The following CSMD1 variants were observed in gnomAD, a reference collection of about 807,000 sequenced individuals.
The protein encoded by CSMD1 is CUB and sushi domain-containing protein 1.
CSMD1 carries 213 observed loss-of-function variants against 417.5 expected under a neutral mutation model. That is an observed-to-expected ratio of 0.51 (90% CI 0.46 to 0.57). The LOEUF is 0.57. Ranked by LOEUF, CSMD1 falls within the 20% of genes least tolerant of loss-of-function variation. CSMD1 has a pLI of 0.00. For synonymous variants in CSMD1, 2,862 were observed against 1,736.8 expected, an observed-to-expected ratio of 1.65 and a Z score of -16.11; for missense variants, 6,923 against 4,529.7, an observed-to-expected ratio of 1.53 and a Z score of -15.17.
intron 53 of CSMD1, among the ~76,000 whole-genome samples, chr8:2,999,303 A>C (rs564609187): frequency 3.9e-5 from 6 of 151,930 alleles, no homozygotes; most frequent in African/African-American, 1.4e-4. Flanking sequence ...TTACAGATGT[A>C]TGCCACCATG....
chr8:4,171,185 A>G (rs1483047791), intron 3 of CSMD1, among the ~76,000 whole-genome samples: 2 of 151,970 alleles, frequency 1.3e-5, no homozygotes, highest in Middle Eastern at 3.4e-3. Flanking sequence ...TCAAATATCC[A>G]TCACCATCAC....
At chr8:4,786,683 T>C (rs1797419351) in intron 1 of CSMD1, among the ~76,000 whole-genome samples, 1 of 152,182 alleles carries the variant, frequency 6.6e-6, no homozygotes, top group African/African-American at 2.4e-5. Flanking sequence ...AATTCTGTTC[T>C]ATCTGGTTTT....
chr8:3,629,254 A>G (rs36157675), intron 7 of CSMD1, among the ~76,000 whole-genome samples: 27,852 of 152,100 alleles, frequency 0.18, 2,715 homozygotes, highest in Admixed American at 0.22. Flanking sequence ...AGGTCAAACC[A>G]TGAAGACCCT....
chr8:3,575,284 A>G (rs7816190), intron 9 of CSMD1, among the ~76,000 whole-genome samples: 4,454 of 152,066 alleles, frequency 0.029, 214 homozygotes, highest in African/African-American at 0.098. Context: ...TTACGCTGGG[A>G]CACTTCATTT....
chr8:4,764,872 C>CAAA (rs1194894751), intron 1 of CSMD1, among the ~76,000 whole-genome samples: 280 of 49,598 alleles, frequency 5.6e-3, no homozygotes, highest in Middle Eastern at 0.023. Context: ...GACTCCATCT[C>CAAA]AAAAAAAAAA....
At chr8:3,532,516 T>C (rs74591372) in intron 10 of CSMD1, among the ~76,000 whole-genome samples, 7,082 of 152,242 alleles carry the variant, frequency 0.047, 268 homozygotes, top group East Asian at 0.21. Context: ...TCCCCTCAGA[T>C]GATCAGGACT....
intron 17 of CSMD1, among the ~76,000 whole-genome samples, chr8:3,394,734 G>A (rs1811581798): frequency 6.6e-6 from 1 of 152,136 alleles, no homozygotes; most frequent in Admixed American, 6.5e-5. Flanking sequence ...TCAAAGAGAA[G>A]TGACAACTCG....
chr8:3,974,275 T>A (rs1813272715), intron 5 of CSMD1, among the ~76,000 whole-genome samples: 1 of 151,928 alleles, frequency 6.6e-6, no homozygotes, highest in Non-Finnish European at 1.5e-5. Flanking sequence ...CTTTGATTTT[T>A]AAATTATAAA....
At chr8:3,669,174 A>G (rs893877874) in intron 7 of CSMD1, among the ~76,000 whole-genome samples, 6 of 152,232 alleles carry the variant, frequency 3.9e-5, no homozygotes, top group Admixed American at 6.5e-5. Context: ...ACAAATGAGC[A>G]TAAAGTTATG....
At chr8:4,252,384 G>C (rs532492033) in intron 3 of CSMD1, among the ~76,000 whole-genome samples, 17 of 152,246 alleles carry the variant, frequency 1.1e-4, no homozygotes, top group African/African-American at 4.1e-4. Context: ...GTTATGTATT[G>C]TCTTTTTCCA....
At chr8:3,527,179 T>A (rs1797787965) in intron 10 of CSMD1, among the ~76,000 whole-genome samples, 1 of 152,130 alleles carries the variant, frequency 6.6e-6, no homozygotes, top group Admixed American at 6.6e-5. Flanking sequence ...AAAATAAAAT[T>A]TTAATATAAA....
rs67767005 is a variant in CSMD1, at chr8:4,226,067, GACACACACACACACACAC to G, written c.415+193868_415+193885del. Among the ~76,000 whole-genome samples the G allele has an allele frequency of 6.2e-3, 895 of 143,598 alleles. 10 individuals carry two copies. Among genetic ancestry groups the G allele is most frequent in the African/African-American group, 0.022 (859 of 39,188 alleles). The allele number at this position is 143,598 out of a possible 152,430, so 94.2% of individuals were successfully genotyped here. ...GCTGGAAGGTTAGAGCTGACAGGCG[GACACACACACACACACAC>G]ACACACACACACACACACACACGCC... On this transcript the variant is annotated intron_variant, in intron 3 of 69. Coordinates refer to ENST00000635120, the MANE Select transcript of CSMD1 (RefSeq NM_033225.6).
At chr8:3,553,948 T>C (rs945812262) in intron 10 of CSMD1, among the ~76,000 whole-genome samples, 1 of 152,216 alleles carries the variant, frequency 6.6e-6, no homozygotes, top group Non-Finnish European at 1.5e-5. Flanking sequence ...CAAAACAGAA[T>C]GTAATTTGTA....
At chr8:3,230,396 A>C (rs569431594) in intron 26 of CSMD1, among the ~76,000 whole-genome samples, 165 bp from the exon 27 acceptor site, 6 of 152,330 alleles carry the variant, frequency 3.9e-5, no homozygotes, top group Admixed American at 2.6e-4. Context: ...GGTACATTCA[A>C]TAACATACAT....
chr8:4,288,176 C>G (rs1048540757), intron 3 of CSMD1, among the ~76,000 whole-genome samples: 3 of 152,198 alleles, frequency 2.0e-5, no homozygotes, highest in Non-Finnish European at 2.9e-5. Flanking sequence ...GAGTAGAACA[C>G]TTTTCTTTTT....
At chr8:4,742,581 A>C (rs947602210) in intron 1 of CSMD1, among the ~76,000 whole-genome samples, 2 of 152,086 alleles carry the variant, frequency 1.3e-5, no homozygotes, top group African/African-American at 4.8e-5. Context: ...TTTTTTATTT[A>C]GCCATTATTA....
chr8:3,878,795 C>G (rs1806007149), intron 5 of CSMD1, among the ~76,000 whole-genome samples: 1 of 152,096 alleles, frequency 6.6e-6, no homozygotes, highest in Admixed American at 6.6e-5. Flanking sequence ...CTTTGAGTAA[C>G]TATAACGACG....
intron 1 of CSMD1, among the ~76,000 whole-genome samples, chr8:4,710,736 T>C (rs1022129717): frequency 6.6e-6 from 1 of 151,612 alleles, no homozygotes; most frequent in East Asian, 1.9e-4. Flanking sequence ...TCCCAGCTAC[T>C]TGGGAGTCTG....
rs200219643 is a variant in CSMD1 at position 3,436,111 on chromosome 8, T to C, written c.1562-26506A>G. On this transcript the variant is annotated intron_variant, in intron 12 of 69. Coordinates refer to ENST00000635120, the MANE Select transcript of CSMD1 (RefSeq NM_033225.6). ...CTAAGGAGCAGAGGCTCCCTCACTC[T>C]CCAGCCCTCTGACCATTCCCCTACA... Among the ~76,000 whole-genome samples, 17 of 152,250 alleles carry C rather than the reference T, an allele frequency of 1.1e-4. No homozygotes were observed. The East Asian group carries it at 3.1e-3, about 28-fold the overall frequency.
Sources: allele counts gnomAD v4.1 joint callset (sites outside exome capture counted in the v4.1 genomes callset), GRCh38; gene constraint gnomAD v4.1.1; transcripts MANE v1.5; gene names NCBI Gene and HGNC (gene_info 2026-07-23, HGNC 2026-07-21).